Variants in GRAMD1B observed in about 807,000 individuals in gnomAD.
GRAMD1B encodes GRAM domain containing 1B, also known as protein Aster-B.
In GRAMD1B, 37 loss-of-function variants were observed where a neutral mutation model predicts 99.7. That is an observed-to-expected ratio of 0.37 (90% CI 0.29 to 0.49). The LOEUF is 0.49. Ranked by LOEUF, GRAMD1B falls within the 20% of genes least tolerant of loss-of-function variation. The probability of loss-of-function intolerance (pLI) is 0.98; values close to 1 mark genes in which losing one functional copy is unlikely to be tolerated. For missense variants in GRAMD1B, 888 were observed against 1,009.2 expected (o/e 0.88, Z 1.63); for synonymous variants, 427 against 387.6 (o/e 1.10, Z -1.19).
intron 4 of GRAMD1B, among the ~76,000 whole-genome samples, chr11:123,592,133 C>G (rs1269379779): frequency 2.0e-5 from 3 of 152,164 alleles, no homozygotes; most frequent in Admixed American, 6.5e-5. Context: ...TTGGGGTCTC[C>G]TGGTCGGCTG....
chr11:123,584,069 G>GTGC (rs1380323532), intron 3 of GRAMD1B, among the ~76,000 whole-genome samples: 2 of 152,000 alleles, frequency 1.3e-5, no homozygotes, highest in African/African-American at 4.8e-5. Flanking sequence ...GCTCTAGCTG[G>GTGC]TGCTGCCGCT....
At chr11:123,429,428 A>C (rs1002675413), upstream of GRAMD1B, among the ~76,000 whole-genome samples, 2 of 152,012 alleles carry the variant, frequency 1.3e-5, no homozygotes, top group Non-Finnish European at 2.9e-5. The surrounding 1 kb of genome is among the most constrained non-coding windows in gnomAD (Gnocchi z 4.0). Context: ...CCAGGACTGA[A>C]CCAGACTTCC....
intron 15 of GRAMD1B, chr11:123,613,108 C>T: frequency 1.8e-6 from 1 of 560,642 alleles, no homozygotes; most frequent in Non-Finnish European, 3.2e-6. Context: ...TAAAACACCC[C>T]TCACCCCAAA....
chr11:123,370,586 C>T (rs552439503), intron 1 of GRAMD1B, among the ~76,000 whole-genome samples: 1 of 152,110 alleles, frequency 6.6e-6, no homozygotes, highest in Non-Finnish European at 1.5e-5. Flanking sequence ...GCAATTCGTC[C>T]ACCTCAGCCT....
chr11:123,482,273 A>G (rs1215321488), intron 2 of GRAMD1B, among the ~76,000 whole-genome samples: 2 of 151,862 alleles, frequency 1.3e-5, no homozygotes, highest in Admixed American at 6.6e-5. Flanking sequence ...TAATTTTTAT[A>G]TTTTTAGTAG....
At chr11:123,532,386 G>C (rs377400043) in intron 2 of GRAMD1B, among the ~76,000 whole-genome samples, 1 of 152,252 alleles carries the variant, frequency 6.6e-6, no homozygotes, top group African/African-American at 2.4e-5. Flanking sequence ...AGCTAGTCAC[G>C]TGGCCCTGCC....
chr11:123,381,368 T>C (rs1045872201), intron 1 of GRAMD1B: 25 of 154,372 alleles, frequency 1.6e-4, no homozygotes, highest in African/African-American at 6.0e-4. Context: ...CAATTCTCCC[T>C]ATTGCGTCAT....
chr11:123,498,560 T>C (rs1939548043), intron 2 of GRAMD1B, among the ~76,000 whole-genome samples: 1 of 152,228 alleles, frequency 6.6e-6, no homozygotes, highest in South Asian at 2.1e-4. Context: ...GTGTAGGTAG[T>C]TTAAAATTTG....
intron 1 of GRAMD1B, among the ~76,000 whole-genome samples, chr11:123,422,557 T>C (rs765162863): frequency 6.6e-6 from 1 of 152,248 alleles, no homozygotes; most frequent in Non-Finnish European, 1.5e-5. Flanking sequence ...TGCTGTCCTA[T>C]CAGAACAAAC....
chr11:123,599,286 T>A, intron 7 of GRAMD1B: 1 of 728,212 alleles, frequency 1.4e-6, no homozygotes, highest in Non-Finnish European at 2.6e-6. Flanking sequence ...ATCCCTTGGG[T>A]TCCCACTGAC....
At chr11:123,456,765 C>A (rs560229688) in intron 1 of GRAMD1B, among the ~76,000 whole-genome samples, 9 of 151,504 alleles carry the variant, frequency 5.9e-5, no homozygotes, top group East Asian at 2.0e-4. Context: ...ACTAAATATA[C>A]AAAAATTAGC....
intron 2 of GRAMD1B, among the ~76,000 whole-genome samples, chr11:123,562,325 C>T (rs1370582642): frequency 1.3e-5 from 2 of 152,200 alleles, no homozygotes; most frequent in African/African-American, 2.4e-5. Context: ...GGGACGCAGG[C>T]ACCCTCCCCT....
At chr11:123,518,101 A>G (rs1941849281) in intron 2 of GRAMD1B, among the ~76,000 whole-genome samples, 2 of 152,172 alleles carry the variant, frequency 1.3e-5, no homozygotes, top group South Asian at 4.2e-4. Flanking sequence ...ACTTCAGGCA[A>G]CGGCCCCTCT....
rs7119790 is a variant in GRAMD1B at position 123,556,630 on chromosome 11, A to G, written c.453-20737A>G. Among the ~76,000 whole-genome samples the G allele has an allele frequency of 7.0e-3, 1,072 of 152,326 alleles. 7 individuals are homozygous for G. The highest frequency in any genetic ancestry group is 9.2e-3 in the Non-Finnish European group (629 of 68,028). ...GTAGAAGATAGTGTCAGTTTTCTGT[A>G]TCTCTGAAGGAAAGGTTTAATTCAG... On this transcript the variant is annotated intron_variant, in intron 2 of 19. Transcript: ENST00000635736.
intron 3 of GRAMD1B, among the ~76,000 whole-genome samples, chr11:123,581,093 G>A (rs1451107940): frequency 6.6e-6 from 1 of 151,932 alleles, no homozygotes; most frequent in Non-Finnish European, 1.5e-5. Context: ...TTCGCGGTGG[G>A]AGATGTTTCT....
At chr11:123,461,130 T>A (rs930399072) in intron 1 of GRAMD1B, among the ~76,000 whole-genome samples, 2 of 152,224 alleles carry the variant, frequency 1.3e-5, no homozygotes, top group African/African-American at 4.8e-5. Context: ...TGAGTCTTAA[T>A]TGAGTTTGGT....
chr11:123,378,044 C>T (rs1946749851), intron 1 of GRAMD1B, among the ~76,000 whole-genome samples: 3 of 152,166 alleles, frequency 2.0e-5, no homozygotes, highest in African/African-American at 7.2e-5. Context: ...AGCCAAGGAC[C>T]TATGTGTTCT....
At chr11:123,423,241 G>GACACAC (rs57312255) in intron 1 of GRAMD1B, among the ~76,000 whole-genome samples, 1,529 of 146,260 alleles carry the variant, frequency 0.01, 33 homozygotes, top group African/African-American at 0.036. Context: ...CCAACAATAA[G>GACACAC]ACACACACAC....
At chr11:123,451,851 G>A (rs12574145) in intron 1 of GRAMD1B, among the ~76,000 whole-genome samples, 84,817 of 140,044 alleles carry the variant, frequency 0.61, 25,013 homozygotes, top group East Asian at 0.97. Flanking sequence ...ATATATATAT[G>A]TATGTATGGT....
Sources: allele counts gnomAD v4.1 joint callset (sites outside exome capture counted in the v4.1 genomes callset), GRCh38; gene constraint gnomAD v4.1.1; non-coding constraint Gnocchi (gnomAD v3.1); transcripts MANE v1.5; gene names NCBI Gene and HGNC (gene_info 2026-07-23, HGNC 2026-07-21).